Variants in BIRC6 observed in about 807,000 individuals in gnomAD.
BIRC6 encodes the protein baculoviral IAP repeat containing 6.
In BIRC6, 98 loss-of-function variants were observed where a neutral mutation model predicts 503.3. The ratio of observed to expected loss-of-function variants is 0.19; its 90% CI spans 0.17 to 0.23. The LOEUF (loss-of-function observed/expected upper bound fraction) is 0.23. BIRC6 is among the 10% of genes least tolerant of loss of function. The pLI is 1.00. For synonymous variants in BIRC6, 2,240 were observed against 2,078.7 expected (o/e 1.08, Z -2.11); for missense variants, 5,360 against 5,806.0 (o/e 0.92, Z 2.50).
chr2:32,472,859 T>G (rs1441442635), intron 32 of BIRC6: 3 of 291,212 alleles, frequency 1.0e-5, no homozygotes, highest in Non-Finnish European at 1.9e-5. Context: ...AAAATAGCTA[T>G]TATCTAAATG....
At chr2:32,453,643 G>C (rs1194169911) in intron 22 of BIRC6, among the ~76,000 whole-genome samples, 165 bp from the exon 23 acceptor site, 1 of 152,154 alleles carries the variant, frequency 6.6e-6, no homozygotes, top group Non-Finnish European at 1.5e-5. Context: ...CGTGCCTGCT[G>C]TTTTGTCAGT....
At position 32,485,771 on chromosome 2, in the gene BIRC6, G is replaced by T. The variant is rs2050915342; in HGVS notation, c.7813+12G>T. On this transcript the variant is annotated intron_variant, in intron 40 of 73. Transcript: ENST00000421745. ...TACATCTCCTACATGTAAGTAAAATGACCATTTTTAGAGTATTGCAGTGAA... is the reference window on the plus strand; with the variant it reads ...TACATCTCCTACATGTAAGTAAAATTACCATTTTTAGAGTATTGCAGTGAA... The T allele has an allele frequency of 2.6e-6, 4 of 1,533,526 alleles. No individual in the cohort carries two copies. The highest frequency in any genetic ancestry group is 2.3e-5 in the East Asian group (1 of 44,410). 95.0% of individuals were successfully genotyped at this position (1,533,526 alleles called of 1,614,324 possible). A position where few individuals can be genotyped will look rare whatever the true frequency, so the allele number is the denominator to read the frequency against.
chr2:32,448,682 GAGAGGGA>G (rs1175517385), intron 21 of BIRC6, 106 bp from the exon 22 acceptor site: 2 of 806,302 alleles, frequency 2.5e-6, no homozygotes, highest in African/African-American at 3.5e-5. Context: ...GGGGAGAGGG[GAGAGGGA>G]GAGCCCTCTG....
intron 43 of BIRC6, among the ~76,000 whole-genome samples, chr2:32,490,572 C>A (rs2051578160): frequency 6.6e-6 from 1 of 151,996 alleles, no homozygotes; most frequent in Non-Finnish European, 1.5e-5. Context: ...TAACATGTCT[C>A]TTCTGAATTA....
chr2:32,547,050 T>C (rs921067390), intron 63 of BIRC6, among the ~76,000 whole-genome samples: 2 of 152,228 alleles, frequency 1.3e-5, no homozygotes, highest in African/African-American at 4.8e-5. Context: ...ATAATATTAT[T>C]TCTTCCCAGA....
chr2:32,524,982 T>A lies in BIRC6; in HGVS notation c.11718T>A (p.Asn3906Lys). The change falls in exon 58 of 74, where the codon AAT becomes AAA. Residue 3906 changes from asparagine (N) to lysine (K), a missense_variant. Asn to Lys is a moderately conservative substitution (Grantham distance 94, BLOSUM62 0). Transcript: ENST00000421745. ...AGAAAGAAAAAGTTAAAGCGGAAAA[T>A]GGATTTCAAGACAATTACAGTGTTG... The part of the protein sequence containing the change: ...HEEKEKVKAE[N>K]GFQDNYSVVV... 1.9e-6 allele frequency: 3 copies of A among 1,569,896 alleles called. No homozygotes were observed. Among genetic ancestry groups the A allele is most frequent in the Non-Finnish European group, 2.6e-6 (3 of 1,160,034 alleles).
chr2:32,472,209 G>A (rs1461195662), intron 32 of BIRC6, among the ~76,000 whole-genome samples: 3 of 152,074 alleles, frequency 2.0e-5, no homozygotes, highest in Non-Finnish European at 1.5e-5. Context: ...TGGGATTATA[G>A]GCGTGTACCA....
intron 8 of BIRC6, among the ~76,000 whole-genome samples, chr2:32,402,268 A>G (rs866725620): frequency 6.6e-5 from 10 of 152,198 alleles, no homozygotes; most frequent in Non-Finnish European, 1.5e-4. Flanking sequence ...CCTAAGAACC[A>G]CTGTGGTTTT....
rs1444644471 is a variant in BIRC6, at chr2:32,464,817, C to T, written c.5250C>T (p.Ser1750=). 1 of 1,603,666 alleles carries T rather than the reference C, an allele frequency of 6.2e-7. No homozygotes were observed. ...CACATAACAAAAATTCCAACAAGTC[C>T]AGAATGGTAAATTATGTTTTAAATA... is the stretch of plus-strand genomic sequence containing the variant. The part of the protein sequence containing the change: ...LAAHNKNSNK[S]RMNPLGSGLA... Residue 1750 remains serine (S), a synonymous_variant, in exon 25 of 74, where the codon TCC becomes TCT. Coordinates refer to ENST00000421745, the MANE Select transcript of BIRC6 (RefSeq NM_016252.4).
At chr2:32,478,867 T>G (rs2050061581) in intron 36 of BIRC6, 49 bp downstream of exon 36, 1 of 1,560,770 alleles carries the variant, frequency 6.4e-7, no homozygotes, top group Non-Finnish European at 8.8e-7. Flanking sequence ...ACCTTGTCAT[T>G]GCTCAACTAA....
chr2:32,477,733 T>TAAAA, intron 35 of BIRC6, 150 bp downstream of exon 35: 16 of 118,106 alleles, frequency 1.4e-4, no homozygotes, highest in East Asian at 2.3e-4. Flanking sequence ...ACCCCGTCTC[T>TAAAA]ACAAAAAAAA....
At chr2:32,588,611 A>G (rs540121107) in intron 66 of BIRC6, among the ~76,000 whole-genome samples, 2 of 152,290 alleles carry the variant, frequency 1.3e-5, no homozygotes, top group East Asian at 3.9e-4. Flanking sequence ...AGATGGTTAA[A>G]GGATTTATGC....
intron 9 of BIRC6, among the ~76,000 whole-genome samples, chr2:32,408,622 A>T (rs7609320): frequency 1.3e-5 from 2 of 151,864 alleles, no homozygotes; most frequent in Non-Finnish European, 2.9e-5. Flanking sequence ...TATTTGGCCA[A>T]TTTTCTTACC....
chr2:32,535,150 C>CAA (rs1158856665), intron 61 of BIRC6, among the ~76,000 whole-genome samples: 192 of 7,278 alleles, frequency 0.026, 42 homozygotes, highest in Non-Finnish European at 0.033. Context: ...CCCAAAAAAG[C>CAA]AAAAAAAAAA....
intron 66 of BIRC6, among the ~76,000 whole-genome samples, chr2:32,586,580 G>A (rs1334949389): frequency 2.0e-5 from 3 of 151,074 alleles, no homozygotes; most frequent in African/African-American, 4.9e-5. Context: ...CACCACTCCC[G>A]GCGAATTTTT....
At position 32,600,382 on chromosome 2, in the gene BIRC6, G is replaced by A. The variant is rs182114842; in HGVS notation, c.13992+482G>A. ...ATTTCAATGGTAAATTCTGTGCTGA[G>A]TATTCAATGTTTTAAAATCTAGAAG... is the stretch of plus-strand genomic sequence containing the variant. On this transcript the variant is annotated intron_variant, in intron 70 of 73. Transcript: ENST00000421745. Among the ~76,000 whole-genome samples the A allele has an allele frequency of 4.7e-3, 715 of 152,286 alleles. 8 individuals carry two copies. The highest frequency in any genetic ancestry group is 0.017 in the African/African-American group (689 of 41,556).
At chr2:32,607,177 C>CTAT (rs3835882) in intron 71 of BIRC6, among the ~76,000 whole-genome samples, 3 of 119,448 alleles carry the variant, frequency 2.5e-5, no homozygotes, top group Non-Finnish European at 5.4e-5. Context: ...TTCTTCATAT[C>CTAT]TATTATTATT....
In BIRC6 at chr2:32,545,723, C is replaced by T. The variant is rs2058012976; in HGVS notation, c.12673C>T (p.Pro4225Ser). 1 of 1,613,774 alleles carries T rather than the reference C, an allele frequency of 6.2e-7. No homozygotes were observed. Residue 4225 changes from proline (P) to serine (S), a missense_variant, in exon 63 of 74, where the codon CCT (proline) becomes TCT (serine). Coordinates refer to ENST00000421745, the MANE Select transcript of BIRC6 (RefSeq NM_016252.4). ...CCTTCGTAGCTTGTTTAGCACTACA[C>T]CTTTGACAACTGATGATGGTGTACT... The part of the protein sequence containing the change: ...HVLRSLFSTT[P>S]LTTDDGVLLR...
chr2:32,545,473 G>A (rs775094492), intron 62 of BIRC6, among the ~76,000 whole-genome samples, 170 bp from the exon 63 acceptor site: 5 of 151,850 alleles, frequency 3.3e-5, no homozygotes, highest in Admixed American at 1.3e-4. Context: ...ATACTTATTC[G>A]TTATTAAATT....
Sources: gnomAD v4.1 joint callset for allele counts (sites outside exome capture counted in the v4.1 genomes callset) on GRCh38, gnomAD v4.1.1 for gene constraint, MANE v1.5 for transcripts, NCBI Gene and HGNC (gene_info 2026-07-23, HGNC 2026-07-21) for gene names.